Variants in LCOR observed in about 807,000 individuals in gnomAD.
LCOR encodes ligand-dependent corepressor.
LCOR carries 14 observed loss-of-function variants against 64.4 expected under a neutral mutation model. The observed-to-expected ratio is 0.22, with a 90% CI of 0.14 to 0.34. LCOR has a LOEUF of 0.34. LCOR is among the 10% of genes least tolerant of loss of function. The pLI is 1.00. For synonymous variants in LCOR, 643 were observed against 642.5 expected, an observed-to-expected ratio of 1.00 and a Z score of -0.01; for missense variants, 1,686 against 1,765.3, an observed-to-expected ratio of 0.96 and a Z score of 0.80.
intron 7 of LCOR, chr10:96,956,256 T>C (rs1259281150): frequency 4.8e-5 from 49 of 1,017,136 alleles, no homozygotes; most frequent in Non-Finnish European, 5.5e-5. Context: ...TGTTGTTTTT[T>C]CTTAAGTTAT....
In LCOR at chr10:96,981,224, C is replaced by T. The variant is rs1371587683; in HGVS notation, c.764C>T (p.Ser255Leu). Residue 255 changes from serine to leucine, a missense_variant, in exon 8 of 8, where the codon TCG becomes TTG. Coordinates refer to ENST00000421806, the MANE Select transcript of LCOR (RefSeq NM_001346516.2). ...TCCTCTGAACTTCCAACCACTAAATCGAATTCTATTAATAGCAGTTCAGTG... is the reference window on the plus strand; with the variant it reads ...TCCTCTGAACTTCCAACCACTAAATTGAATTCTATTAATAGCAGTTCAGTG... ...KDSSELPTTK[S>L]NSINSSSVDS... 4 of 818,474 alleles carry T rather than the reference C, an allele frequency of 4.9e-6. No individual in the cohort carries two copies. The highest frequency in any genetic ancestry group is 2.9e-5 in the South Asian group (2 of 69,960). The allele number at this position is 818,474 out of a possible 1,614,324, so 50.7% of individuals were successfully genotyped here.
At chr10:96,910,991 T>G (rs1336850397) in intron 4 of LCOR, among the ~76,000 whole-genome samples, 2 of 152,068 alleles carry the variant, frequency 1.3e-5, no homozygotes, top group East Asian at 3.8e-4. Context: ...ATTTTTGAAC[T>G]GCACTTCAGG....
chr10:96,869,740 A>G (rs1409535662), intron 2 of LCOR, among the ~76,000 whole-genome samples: 2 of 151,430 alleles, frequency 1.3e-5, no homozygotes, highest in Non-Finnish European at 1.5e-5. Context: ...ACGTTCAGCT[A>G]TTTTTTGTAT....
intron 2 of LCOR, among the ~76,000 whole-genome samples, chr10:96,880,689 C>T (rs1167229914): frequency 6.6e-6 from 1 of 152,210 alleles, no homozygotes; most frequent in Non-Finnish European, 1.5e-5. Flanking sequence ...TGAGCCACCA[C>T]ACCTGGCCAG....
chr10:96,951,929 C>T (rs1847687488), intron 6 of LCOR, among the ~76,000 whole-genome samples, 174 bp from the exon 7 acceptor site: 1 of 152,132 alleles, frequency 6.6e-6, no homozygotes, highest in Admixed American at 6.5e-5. Context: ...GTATAACATG[C>T]CTTGCTAAAT....
intron 2 of LCOR, among the ~76,000 whole-genome samples, chr10:96,866,171 C>T (rs953523719): frequency 7.9e-5 from 12 of 152,114 alleles, no homozygotes; most frequent in Non-Finnish European, 1.0e-4. Context: ...CCATTTAAAG[C>T]GTTGTACAAT....
intron 7 of LCOR, among the ~76,000 whole-genome samples, chr10:96,969,799 G>A (rs1419988520): frequency 3.2e-5 from 4 of 124,034 alleles, no homozygotes; most frequent in African/African-American, 9.7e-5. Context: ...TCTTTTTTGA[G>A]ACAAGAGTCT....
At chr10:96,929,397 C>A (rs1465659874) in intron 4 of LCOR, among the ~76,000 whole-genome samples, 2 of 152,352 alleles carry the variant, frequency 1.3e-5, no homozygotes, top group East Asian at 3.9e-4. Context: ...GAGATGACTT[C>A]TTTTCCTTAA....
At chr10:96,942,257 C>G (rs1406412619) in intron 4 of LCOR, among the ~76,000 whole-genome samples, 2 of 151,774 alleles carry the variant, frequency 1.3e-5, no homozygotes, top group African/African-American at 4.8e-5. Flanking sequence ...CCGGCCAACA[C>G]AGCAAAACCC....
intron 1 of LCOR, chr10:96,833,097 T>A: frequency 1.0e-6 from 1 of 985,126 alleles, no homozygotes; most frequent in Non-Finnish European, 1.2e-6. Flanking sequence ...GGCCGGGGAG[T>A]TAATCCTCGA....
At chr10:96,850,842 A>C (rs1845711060) in intron 2 of LCOR, among the ~76,000 whole-genome samples, 1 of 152,214 alleles carries the variant, frequency 6.6e-6, no homozygotes, top group African/African-American at 2.4e-5. Flanking sequence ...CACTGATGAC[A>C]ATCTGATGCC....
At chr10:96,887,111 A>G (rs748840034) in intron 2 of LCOR, among the ~76,000 whole-genome samples, 1 of 152,118 alleles carries the variant, frequency 6.6e-6, no homozygotes, top group Non-Finnish European at 1.5e-5. Flanking sequence ...CTGTGTTGAC[A>G]GTTGTTCTGA....
intron 7 of LCOR, among the ~76,000 whole-genome samples, chr10:96,953,233 A>T (rs1847712256): frequency 6.6e-6 from 1 of 151,798 alleles, no homozygotes; most frequent in South Asian, 2.1e-4. Flanking sequence ...CATGTTCCCA[A>T]ATCTTTGGGT....
At chr10:96,853,982 G>A (rs959934361) in intron 2 of LCOR, among the ~76,000 whole-genome samples, 1 of 152,062 alleles carries the variant, frequency 6.6e-6, no homozygotes, top group Non-Finnish European at 1.5e-5. Flanking sequence ...TCCATGATTC[G>A]ATTACCTCTA....
chr10:96,934,628 G>T (rs1356264626), intron 4 of LCOR, among the ~76,000 whole-genome samples: 2 of 152,126 alleles, frequency 1.3e-5, no homozygotes, highest in Non-Finnish European at 1.5e-5. Flanking sequence ...TTAAGACAGA[G>T]TGTCACTCTG....
chr10:96,960,478 T>G (rs988662828), intron 7 of LCOR: 7 of 152,228 alleles, frequency 4.6e-5, no homozygotes, highest in South Asian at 2.1e-4. Context: ...TGCCAGAGGT[T>G]GTTTTCATAT....
rs1848034937 is a variant in LCOR, at chr10:96,975,796, C to G, written c.333-4997C>G. 3.3e-5 allele frequency among the ~76,000 whole-genome samples: 5 copies of G among 152,028 alleles called. No homozygotes were observed. The South Asian group carries it at 1.0e-3, about 32-fold the overall frequency. ...TTGGGAGGCTGAGGCAGGTGGATCA[C>G]CTGAGGTCAGGAGTTCGAGACCAGC... On this transcript the variant is annotated intron_variant, in intron 7 of 7. Coordinates refer to ENST00000421806, the MANE Select transcript of LCOR (RefSeq NM_001346516.2).
At chr10:96,873,013 AG>A (rs1384645095) in intron 2 of LCOR, among the ~76,000 whole-genome samples, 1 of 152,360 alleles carries the variant, frequency 6.6e-6, no homozygotes, top group African/African-American at 2.4e-5. Flanking sequence ...TTAACACTGT[AG>A]ACAACTTTAA....
At chr10:96,857,680 A>G (rs1174287683) in intron 2 of LCOR, among the ~76,000 whole-genome samples, 2 of 152,192 alleles carry the variant, frequency 1.3e-5, no homozygotes, top group African/African-American at 4.8e-5. Flanking sequence ...CATTGTTTCA[A>G]AGTATCGATC....
Sources: allele counts gnomAD v4.1 joint callset (sites outside exome capture counted in the v4.1 genomes callset), GRCh38; gene constraint gnomAD v4.1.1; transcripts MANE v1.5; gene names NCBI Gene and HGNC (gene_info 2026-07-23, HGNC 2026-07-21).